FOXP4: variants seen among roughly 807,000 people sequenced by gnomAD.
FOXP4 encodes forkhead box protein P4.
Under a neutral mutation model 82.6 loss-of-function variants are expected in FOXP4, and 25 were observed. The ratio of observed to expected loss-of-function variants is 0.30; its 90% confidence interval spans 0.22 to 0.42. The LOEUF (loss-of-function observed/expected upper bound fraction) is 0.42. FOXP4 is among the 10% of genes least tolerant of loss of function. The probability of loss-of-function intolerance (pLI) is 1.00; values close to 1 mark genes in which losing one functional copy is unlikely to be tolerated. For synonymous variants in FOXP4, 415 were observed against 388.2 expected (o/e 1.07, Z -0.81); for missense variants, 785 against 900.9 (o/e 0.87, Z 1.65).
chr6:41,599,012 C>T lies in FOXP4; in HGVS notation c.*76C>T, dbSNP rs181304317. On this transcript the variant is annotated 3_prime_UTR_variant, in exon 17 of 17. Coordinates refer to ENST00000307972, the MANE Select transcript of FOXP4 (RefSeq NM_001012426.2). ...CCAGGCCCCATCTCCCCCAACTCCA[C>T]AGCCCCTCCCGAGCCTCAAGGCAAG... The T allele has an allele frequency of 4.8e-4, 696 of 1,454,966 alleles. No individual in the cohort carries two copies. The highest frequency in any genetic ancestry group is 4.1e-3 in the Middle Eastern group (16 of 3,940). 90.1% of individuals were successfully genotyped at this position (1,454,966 alleles called of 1,614,324 possible).
intron 2 of FOXP4, among the ~76,000 whole-genome samples, chr6:41,568,591 C>T (rs1036600170): frequency 6.6e-6 from 1 of 152,230 alleles, no homozygotes; most frequent in Non-Finnish European, 1.5e-5. Flanking sequence ...ACGCTGCCCG[C>T]TGGCCCTAAG....
intron 13 of FOXP4, among the ~76,000 whole-genome samples, chr6:41,592,189 G>T (rs553297598): frequency 2.1e-4 from 32 of 152,262 alleles, no homozygotes; most frequent in Non-Finnish European, 4.1e-4. Flanking sequence ...AGAAACTGCA[G>T]TTAAACGGGC....
intron 1 of FOXP4, among the ~76,000 whole-genome samples, chr6:41,550,505 A>G (rs1468461308): frequency 6.6e-6 from 1 of 152,228 alleles, no homozygotes; most frequent in Non-Finnish European, 1.5e-5. Context: ...GTCCAAGGTT[A>G]CACAGCTACA....
Position 41,565,974 on chromosome 6 carries a change from G to C in FOXP4, c.204+10G>C. ...CTTCCAGCAGCAACAGGTAGGAACTGGTGCGCCTTGGGGTATCTGGGAGCG... is the reference window on the plus strand; with the variant it reads ...CTTCCAGCAGCAACAGGTAGGAACTCGTGCGCCTTGGGGTATCTGGGAGCG... On this transcript the variant is annotated intron_variant, in intron 2 of 16. Coordinates refer to ENST00000307972, the MANE Select transcript of FOXP4 (RefSeq NM_001012426.2). The C allele has an allele frequency of 6.2e-7, 1 of 1,610,230 alleles. No homozygotes were observed. Among genetic ancestry groups the C allele is most frequent in the Non-Finnish European group, 8.5e-7 (1 of 1,178,034 alleles).
At chr6:41,597,280 C>T (rs1477139663) in intron 15 of FOXP4, 38 bp downstream of exon 15, 1 of 1,604,150 alleles carries the variant, frequency 6.2e-7, no homozygotes, top group Non-Finnish European at 8.5e-7. Context: ...CCTCTACCTC[C>T]CGCCCCCTTG....
Position 41,602,005 on chromosome 6 carries a change from CCT to C in FOXP4, c.*3076_*3077del, listed in dbSNP as rs1398168692. 1 of 152,230 alleles carries C rather than the reference CCT, an allele frequency of 6.6e-6. No individual in the cohort carries two copies. The highest frequency in any genetic ancestry group is 1.5e-5 in the Non-Finnish European group (1 of 68,058). The allele number at this position is 152,230 out of a possible 1,614,324, so 9.4% of individuals were successfully genotyped here. On this transcript the variant is annotated 3_prime_UTR_variant, in exon 17 of 17. Coordinates refer to ENST00000307972, the MANE Select transcript of FOXP4 (RefSeq NM_001012426.2). Reference sequence around the variant, plus strand: ...GACCTGGAGGGTGAGTCTTTGCTGACCTCTCTCTACTCTCAGGCATGTCTTTT... The same window carrying C: ...GACCTGGAGGGTGAGTCTTTGCTGACCTCTCTACTCTCAGGCATGTCTTTT...
At chr6:41,555,199 AGATCGC>A (rs112942930) in intron 1 of FOXP4, among the ~76,000 whole-genome samples, 11,198 of 152,108 alleles carry the variant, frequency 0.074, 476 homozygotes, top group Non-Finnish European at 0.092. Context: ...GAGTGAGCCG[AGATCGC>A]GCTACTGCAC....
Position 41,587,412 on chromosome 6 carries a change from A to T in FOXP4, c.772A>T (p.Thr258Ser), listed in dbSNP as rs1165963393. The change falls in exon 7 of 17, where the codon ACC (threonine) becomes TCC (serine). Residue 258 changes from threonine (T) to serine (S), a missense_variant. Around this residue, in one of 3 missense-constraint regions of FOXP4, gnomAD observed 570 missense variants for 634.0 expected, o/e 0.90. Transcript: ENST00000307972. ...EGLDLTGTAA[T>S]ATSFAAPPKV... ...GCTGGACCTCACTGGCACGGCCGCC[A>T]CCGCTACCTCGTTTGCCGCTCCCCC... 1 of 1,585,196 alleles carries T rather than the reference A, an allele frequency of 6.3e-7. No homozygotes were observed. Among genetic ancestry groups the T allele is most frequent in the Non-Finnish European group, 8.6e-7 (1 of 1,165,464 alleles).
In FOXP4 at chr6:41,585,416, C is replaced by T. The variant is rs369273150; in HGVS notation, c.424-15C>T. The T allele has an allele frequency of 1.2e-5, 20 of 1,612,980 alleles. No individual in the cohort carries two copies. The Admixed American group carries it at 2.2e-4, about 18-fold the overall frequency. On this transcript the variant is annotated splice_polypyrimidine_tract_variant and intron_variant, in intron 4 of 16. Transcript: ENST00000307972. ...GCAGTACCCTGCCAGTGGTAACCCTCCTCCACCCCCCCAGCTACAGGAGTA... is the reference window on the plus strand; with the variant it reads ...GCAGTACCCTGCCAGTGGTAACCCTTCTCCACCCCCCCAGCTACAGGAGTA...
At chr6:41,570,754 G>T (rs913227700) in intron 2 of FOXP4, among the ~76,000 whole-genome samples, 2 of 152,162 alleles carry the variant, frequency 1.3e-5, no homozygotes, top group Non-Finnish European at 2.9e-5. Flanking sequence ...GGAGAATTTG[G>T]GGAAGGGAGA....
chr6:41,550,704 T>C (rs1763948733), intron 1 of FOXP4, among the ~76,000 whole-genome samples: 2 of 152,198 alleles, frequency 1.3e-5, no homozygotes, highest in African/African-American at 4.8e-5. Context: ...TCCCTTTAAG[T>C]GGAGAGGGGG....
intron 3 of FOXP4, among the ~76,000 whole-genome samples, chr6:41,584,178 A>G (rs1361113552): frequency 6.6e-6 from 1 of 152,240 alleles, no homozygotes; most frequent in East Asian, 1.9e-4. Context: ...ACCTCTGGCC[A>G]CTGTGTGTGC....
intron 1 of FOXP4, among the ~76,000 whole-genome samples, chr6:41,560,256 G>A (rs1245901088): frequency 6.6e-6 from 1 of 152,072 alleles, no homozygotes; most frequent in African/African-American, 2.4e-5. Flanking sequence ...AACAAAGTGA[G>A]ACTCTCCCCC....
intron 1 of FOXP4, among the ~76,000 whole-genome samples, chr6:41,563,308 A>G (rs1764693665): frequency 6.6e-6 from 1 of 152,204 alleles, no homozygotes; most frequent in Admixed American, 6.5e-5. Flanking sequence ...ATGGCTTGGT[A>G]GAGTGAGGGA....
At position 41,599,025 on chromosome 6, in the gene FOXP4, G is replaced by T; in HGVS notation, c.*89G>T. On this transcript the variant is annotated 3_prime_UTR_variant, in exon 17 of 17. Transcript: ENST00000307972. Reference sequence around the variant, plus strand: ...CCCCCAACTCCACAGCCCCTCCCGAGCCTCAAGGCAAGTCCAGGACTCAGA... The same window carrying T: ...CCCCCAACTCCACAGCCCCTCCCGATCCTCAAGGCAAGTCCAGGACTCAGA... The T allele has an allele frequency of 6.9e-7, 1 of 1,447,428 alleles. No homozygotes were observed. Among genetic ancestry groups the T allele is most frequent in the Non-Finnish European group, 9.1e-7 (1 of 1,097,064 alleles). The allele number at this position is 1,447,428 out of a possible 1,614,324, so 89.7% of individuals were successfully genotyped here.
In FOXP4 at chr6:41,557,504, T is replaced by C. The variant is rs952610455; in HGVS notation, c.-16-8241T>C. On this transcript the variant is annotated intron_variant, in intron 1 of 16. Transcript: ENST00000307972. ...AGCTAACAGCCTAGATGTCCAACTC[T>C]AGGGGATTGGCTCAATACATTCTGG... Among the ~76,000 whole-genome samples the C allele has an allele frequency of 2.3e-4, 35 of 152,196 alleles. 1 individual carries two copies. The highest frequency in any genetic ancestry group is 8.4e-4 in the African/African-American group (35 of 41,458).
intron 1 of FOXP4, among the ~76,000 whole-genome samples, chr6:41,553,385 C>G (rs1295480440): frequency 6.6e-6 from 1 of 152,184 alleles, no homozygotes; most frequent in Non-Finnish European, 1.5e-5. Flanking sequence ...CGCCATCCCC[C>G]CTCCCCCTCA....
intron 1 of FOXP4, among the ~76,000 whole-genome samples, chr6:41,564,648 G>A (rs1366515482): frequency 6.6e-6 from 1 of 152,072 alleles, no homozygotes; most frequent in Non-Finnish European, 1.5e-5. Flanking sequence ...TAACTCTCTG[G>A]ACCTTCGGTT....
At position 41,570,110 on chromosome 6, in the gene FOXP4, A is replaced by ACACACACG. The variant is rs1395077415; in HGVS notation, c.204+4149_204+4156dup. On this transcript the variant is annotated intron_variant, in intron 2 of 16. Coordinates refer to ENST00000307972, the MANE Select transcript of FOXP4 (RefSeq NM_001012426.2). ...CACACACACACACACACACACACACACACACACGCAGTCAACAGTTGTCTT... is the reference window on the plus strand; with the variant it reads ...CACACACACACACACACACACACACACACACACGCACACACGCAGTCAACAGTTGTCTT... 1.3e-3 allele frequency: 456 copies of ACACACACG among 345,928 alleles called. 1 individual carries two copies. The highest frequency in any genetic ancestry group is 9.4e-3 in the African/African-American group (432 of 45,728). 21.4% of individuals were successfully genotyped at this position (345,928 alleles called of 1,614,324 possible).
Sources: gnomAD v4.1 joint callset for allele counts (sites outside exome capture counted in the v4.1 genomes callset) on GRCh38, gnomAD v4.1.1 for gene constraint, gnomAD v4.1.1 regional missense constraint, MANE v1.5 for transcripts, NCBI Gene and HGNC (gene_info 2026-07-23, HGNC 2026-07-21) for gene names.